Variants in GRM3 observed in about 807,000 individuals in gnomAD.
The protein encoded by GRM3 is metabotropic glutamate receptor 3.
In GRM3, 26 loss-of-function variants were observed where a neutral mutation model predicts 70.5. That is an observed-to-expected ratio of 0.37 (90% confidence interval 0.27 to 0.51). The LOEUF is 0.51. Ranked by LOEUF, GRM3 falls within the 20% of genes least tolerant of loss-of-function variation. The pLI is 0.93. For missense variants in GRM3, 859 were observed against 1,123.8 expected, an observed-to-expected ratio of 0.76 and a Z score of 3.37; for synonymous variants, 443 against 434.9, an observed-to-expected ratio of 1.02 and a Z score of -0.23.
In GRM3 at chr7:86,862,384, A is replaced by C. The variant is rs565275950; in HGVS notation, c.2567-1898A>C. 7.2e-5 allele frequency among the ~76,000 whole-genome samples: 11 copies of C among 152,278 alleles called. No individual in the cohort carries two copies. In the East Asian group the frequency reaches 2.1e-3, roughly 29 times the overall value. On this transcript the variant is annotated intron_variant, in intron 5 of 5. Transcript: ENST00000361669. ...TATATGGAAATAATTTTTCTAATTAAAGTATTTATAAATAATAAAGCCCTC... is the reference window on the plus strand; with the variant it reads ...TATATGGAAATAATTTTTCTAATTACAGTATTTATAAATAATAAAGCCCTC...
chr7:86,780,119 A>G (rs1238557827), intron 2 of GRM3, among the ~76,000 whole-genome samples: 1 of 152,102 alleles, frequency 6.6e-6, no homozygotes, highest in Non-Finnish European at 1.5e-5. Flanking sequence ...AATCCAGTCT[A>G]TCATTGTTGG....
chr7:86,802,397 C>A (rs1349218653), intron 3 of GRM3, among the ~76,000 whole-genome samples: 1 of 152,050 alleles, frequency 6.6e-6, no homozygotes, highest in African/African-American at 2.4e-5. Context: ...AATATTGTTT[C>A]CAAATCTGAA....
chr7:86,791,513 C>T (rs908572254), intron 3 of GRM3, among the ~76,000 whole-genome samples: 2 of 152,142 alleles, frequency 1.3e-5, no homozygotes, highest in Non-Finnish European at 1.5e-5. Context: ...GAAAGTGATT[C>T]GCCCAAGATC....
chr7:86,853,862 T>G (rs1252417725), intron 5 of GRM3, among the ~76,000 whole-genome samples: 1 of 152,140 alleles, frequency 6.6e-6, no homozygotes, highest in African/African-American at 2.4e-5. Flanking sequence ...TGACGTTCTT[T>G]CATGGTTTTA....
At chr7:86,730,789 G>A (rs1009229894) in intron 1 of GRM3, among the ~76,000 whole-genome samples, 3 of 152,016 alleles carry the variant, frequency 2.0e-5, no homozygotes, top group African/African-American at 4.8e-5. Flanking sequence ...CAACTAATAC[G>A]CAGGGAAAAG....
At chr7:86,724,903 G>T (rs963393153) in intron 1 of GRM3, among the ~76,000 whole-genome samples, 1 of 151,986 alleles carries the variant, frequency 6.6e-6, no homozygotes, top group Non-Finnish European at 1.5e-5. Flanking sequence ...CAGTTTGTGT[G>T]GTGGAGTTTA....
At chr7:86,746,025 T>C (rs1256833377) in intron 1 of GRM3, among the ~76,000 whole-genome samples, 1 of 152,040 alleles carries the variant, frequency 6.6e-6, no homozygotes, top group African/African-American at 2.4e-5. Flanking sequence ...AGGTTCTTGA[T>C]AAGTATTTTG....
chr7:86,795,476 C>T (rs942131275), intron 3 of GRM3, among the ~76,000 whole-genome samples: 2 of 151,824 alleles, frequency 1.3e-5, no homozygotes, highest in African/African-American at 4.8e-5. Flanking sequence ...CCCCGACAGG[C>T]CCCAGTGTGT....
chr7:86,770,412 C>G (rs1387563696), intron 2 of GRM3, among the ~76,000 whole-genome samples: 2 of 152,060 alleles, frequency 1.3e-5, no homozygotes, highest in African/African-American at 4.8e-5. Context: ...CAGGAACACT[C>G]TAACTCAGGA....
chr7:86,815,187 C>CAAATGCACCATA (rs1197911226), intron 3 of GRM3, among the ~76,000 whole-genome samples: 3 of 151,734 alleles, frequency 2.0e-5, no homozygotes, highest in Non-Finnish European at 4.4e-5. Flanking sequence ...CAATTTGCGT[C>CAAATGCACCATA]AAATGCACCA....
chr7:86,810,152 T>A (rs1293595427), intron 3 of GRM3, among the ~76,000 whole-genome samples: 1 of 152,044 alleles, frequency 6.6e-6, no homozygotes, highest in Non-Finnish European at 1.5e-5. Context: ...CCTTAAATCG[T>A]CTTTATTCCT....
intron 1 of GRM3, among the ~76,000 whole-genome samples, chr7:86,739,243 C>T (rs988913619): frequency 2.6e-5 from 4 of 152,216 alleles, no homozygotes; most frequent in Admixed American, 6.5e-5. Flanking sequence ...TCCTGAAGTG[C>T]TGGGACTACA....
chr7:86,728,980 G>A (rs1795657993), intron 1 of GRM3, among the ~76,000 whole-genome samples: 1 of 152,178 alleles, frequency 6.6e-6, no homozygotes, highest in African/African-American at 2.4e-5. Context: ...AAGATAAGGA[G>A]TTGACACTTG....
chr7:86,728,762 A>T (rs1015881340), intron 1 of GRM3, among the ~76,000 whole-genome samples: 5 of 152,202 alleles, frequency 3.3e-5, no homozygotes, highest in African/African-American at 4.8e-5. Flanking sequence ...TTGGGATTTT[A>T]TCATTTAGCT....
chr7:86,857,918 T>TTTTTATTTTATTTTATTTTA (rs375923210), intron 5 of GRM3, among the ~76,000 whole-genome samples: 30 of 142,696 alleles, frequency 2.1e-4, no homozygotes, highest in African/African-American at 7.1e-4. Context: ...AGAGAGTAAA[T>TTTTTATTTTATTTTATTTTA]TTTTATTTTA....
At chr7:86,711,472 T>A (rs996015964) in intron 1 of GRM3, among the ~76,000 whole-genome samples, 1 of 152,136 alleles carries the variant, frequency 6.6e-6, no homozygotes, top group African/African-American at 2.4e-5. Context: ...TTTTCCAGAA[T>A]AAATTCCTTC....
intron 1 of GRM3, among the ~76,000 whole-genome samples, chr7:86,664,724 T>C (rs1793981264): frequency 6.6e-6 from 1 of 151,964 alleles, no homozygotes; most frequent in African/African-American, 2.4e-5. Context: ...TGGTTACGTT[T>C]GGCTGAGAAG....
intron 3 of GRM3, among the ~76,000 whole-genome samples, chr7:86,799,310 T>C (rs760189323): frequency 6.6e-6 from 1 of 152,194 alleles, no homozygotes; most frequent in Non-Finnish European, 1.5e-5. Flanking sequence ...AAAGTTTGAC[T>C]TCCTCTCTTC....
intron 1 of GRM3, among the ~76,000 whole-genome samples, chr7:86,725,966 C>T (rs1291846331): frequency 1.3e-5 from 2 of 152,140 alleles, no homozygotes; most frequent in East Asian, 3.9e-4. Flanking sequence ...GGCCTAATTA[C>T]CTCCCAAAGG....
Sources: gnomAD v4.1 joint callset for allele counts (sites outside exome capture counted in the v4.1 genomes callset) on GRCh38, gnomAD v4.1.1 for gene constraint, MANE v1.5 for transcripts, NCBI Gene and HGNC (gene_info 2026-07-23, HGNC 2026-07-21) for gene names.